TTLL10: variants seen among roughly 807,000 people sequenced by gnomAD.
TTLL10 encodes tubulin tyrosine ligase like 10.
In TTLL10, 61 loss-of-function variants were observed where a neutral mutation model predicts 69.0. The ratio of observed to expected loss-of-function variants is 0.88; its 90% confidence interval spans 0.72 to 1.09. The LOEUF (loss-of-function observed/expected upper bound fraction) is 1.09, where lower values mean the gene tolerates loss of function less well. Ranked by LOEUF, TTLL10 falls within the 50% of genes least tolerant of loss-of-function variation. The pLI is 0.00. For synonymous variants in TTLL10, 408 were observed against 393.3 expected (o/e 1.04, Z -0.44); for missense variants, 962 against 945.9 (o/e 1.02, Z -0.22).
rs546705033 is a variant in TTLL10 at position 1,189,410 on chromosome 1, G to A, written c.1401+4301G>A. Among the ~76,000 whole-genome samples the A allele has an allele frequency of 4.6e-5, 7 of 152,202 alleles. No homozygotes were observed. In the South Asian group the frequency reaches 6.2e-4, roughly 14 times the overall value. On this transcript the variant is annotated intron_variant, in intron 13 of 15. Transcript: ENST00000379289. The stretch of plus-strand genomic sequence containing the variant: ...CTTCATTCTATTAATGTGTTGTATC[G>A]CACTGATTAACTTTCATATGACAAA...
intron 3 of TTLL10, chr1:1,175,753 G>A: frequency 2.2e-6 from 1 of 450,730 alleles, no homozygotes; most frequent in Non-Finnish European, 4.5e-6. Flanking sequence ...GGTGGAGAGA[G>A]GCTGCTGTTG....
rs549235697 is a variant in TTLL10 at position 1,185,316 on chromosome 1, C to A, written c.1401+207C>A. The A allele has an allele frequency of 7.2e-7, 1 of 1,393,794 alleles. No individual in the cohort carries two copies. 86.3% of individuals were successfully genotyped at this position (1,393,794 alleles called of 1,614,324 possible). Reference sequence around the variant, plus strand: ...CCCCAGCAGCCAGCAAAGGCCCGGACGGAAAGCCCAGTCGGGGGTCTGTCG... The same window carrying A: ...CCCCAGCAGCCAGCAAAGGCCCGGAAGGAAAGCCCAGTCGGGGGTCTGTCG... On this transcript the variant is annotated intron_variant, in intron 13 of 15. Transcript: ENST00000379289. The surrounding 1 kb of genome is among the most constrained non-coding windows in gnomAD (Gnocchi z 6.1).
At chr1:1,187,368 GC>G (rs1219408725) in intron 13 of TTLL10, among the ~76,000 whole-genome samples, 9 of 151,976 alleles carry the variant, frequency 5.9e-5, no homozygotes, top group African/African-American at 1.9e-4. Flanking sequence ...GGTGACTCAC[GC>G]CTGTAATCCC....
chr1:1,197,650 GCCC>G lies in TTLL10; in HGVS notation c.1826_1828del (p.Ala609_Arg610delinsGly). 6.7e-7 allele frequency: 1 copy of G among 1,499,020 alleles called. No homozygotes were observed. Among genetic ancestry groups the G allele is most frequent in the Non-Finnish European group, 8.8e-7 (1 of 1,131,748 alleles). The allele number at this position is 1,499,020 out of a possible 1,614,324, so 92.9% of individuals were successfully genotyped here. ...GCCGCATGCCCCAGACCAGCCGGGC[GCCC>G]GCAGGCCTGCGCCACCTCCCTTGGT... On this transcript the variant is annotated inframe_deletion, in exon 16 of 16. Transcript: ENST00000379289.
chr1:1,190,107 G>A (rs1176354928), intron 13 of TTLL10, among the ~76,000 whole-genome samples: 21 of 140,612 alleles, frequency 1.5e-4, no homozygotes, highest in African/African-American at 2.9e-4. Context: ...GCGAGACCCC[G>A]TCTCAAAAAA....
At chr1:1,178,920 G>A (rs868240874) in intron 3 of TTLL10, among the ~76,000 whole-genome samples, 2 of 152,184 alleles carry the variant, frequency 1.3e-5, no homozygotes, top group South Asian at 2.1e-4. Context: ...CACCCAGGCC[G>A]AGCTCAGCCA....
chr1:1,175,959 T>C (rs935719083), intron 3 of TTLL10: 2 of 433,070 alleles, frequency 4.6e-6, no homozygotes, highest in Non-Finnish European at 9.1e-6. Context: ...GCTGTGCAGG[T>C]GGAAAGAGGC....
In TTLL10 at chr1:1,181,663, C is replaced by T; in HGVS notation, c.756-78C>T. The T allele has an allele frequency of 7.3e-7, 1 of 1,368,080 alleles. No homozygotes were observed. Among genetic ancestry groups the T allele is most frequent in the South Asian group, 1.3e-5 (1 of 76,146 alleles). 84.7% of individuals were successfully genotyped at this position (1,368,080 alleles called of 1,614,324 possible). A position where few individuals can be genotyped will look rare whatever the true frequency, so the allele number is the denominator to read the frequency against. On this transcript the variant is annotated intron_variant, in intron 8 of 15. Transcript: ENST00000379289. The surrounding 1 kb of genome is among the most constrained non-coding windows in gnomAD (Gnocchi z 4.6). ...CAGTCCGCCCACTCACCACCCATGCCCCATCCCCCAGTCCCCACCCGCTCC... is the reference window on the plus strand; with the variant it reads ...CAGTCCGCCCACTCACCACCCATGCTCCATCCCCCAGTCCCCACCCGCTCC...
intron 13 of TTLL10, among the ~76,000 whole-genome samples, chr1:1,191,516 G>T (rs367819041): frequency 3.3e-5 from 5 of 152,148 alleles, no homozygotes; most frequent in East Asian, 3.8e-4. Flanking sequence ...CCAGCATATG[G>T]TCTATCCTGG....
intron 3 of TTLL10, 25 bp from the exon 4 acceptor site, chr1:1,179,164 G>A (rs1646961048): frequency 6.9e-7 from 1 of 1,438,972 alleles, no homozygotes; most frequent in Non-Finnish European, 9.3e-7. Context: ...CCCACAGGAG[G>A]GTCAGAGCGG....
Position 1,180,105 on chromosome 1 carries a change from C to G in TTLL10, c.271C>G (p.His91Asp). The G allele has an allele frequency of 1.2e-6, 2 of 1,611,034 alleles. No homozygotes were observed. Among genetic ancestry groups the G allele is most frequent in the East Asian group, 2.2e-5 (1 of 44,826 alleles). Residue 91 changes from histidine (H) to aspartate (D), a missense_variant, in exon 6 of 16, where the codon CAC (histidine) becomes GAC (aspartate). Transcript: ENST00000379289. ...CCGGTGTCAGCCAAGCCAGCCAGAC[C>G]ACGACGCAGATGGACACTGTGGGCC... ...GLRCQPSQPD[H>D]DADGHCGPDL...
chr1:1,197,852 A>G lies in TTLL10; in HGVS notation c.*5A>G. ...CCTGAGAACGCGAGGCCCTAGGGGCAGCCACCCGCGCCCAGCGCCCCGCGC... is the reference window on the plus strand; with the variant it reads ...CCTGAGAACGCGAGGCCCTAGGGGCGGCCACCCGCGCCCAGCGCCCCGCGC... On this transcript the variant is annotated 3_prime_UTR_variant, in exon 16 of 16. Coordinates refer to ENST00000379289, the MANE Select transcript of TTLL10 (RefSeq NM_001130045.2). 1 of 1,458,938 alleles carries G rather than the reference A, an allele frequency of 6.9e-7. No individual in the cohort carries two copies. The allele number at this position is 1,458,938 out of a possible 1,614,324, so 90.4% of individuals were successfully genotyped here. A position where few individuals can be genotyped will look rare whatever the true frequency, so the allele number is the denominator to read the frequency against.
At chr1:1,176,026 G>A (rs1434789645) in intron 3 of TTLL10, 1 of 446,582 alleles carries the variant, frequency 2.2e-6, no homozygotes, top group Admixed American at 2.4e-5. Flanking sequence ...GTGGAGAGAG[G>A]CTGACGCTGT....
chr1:1,177,823 C>A (rs1175507682), intron 3 of TTLL10, among the ~76,000 whole-genome samples: 2 of 152,230 alleles, frequency 1.3e-5, no homozygotes, highest in Non-Finnish European at 2.9e-5. Context: ...CAGGGTCCAG[C>A]CTCTTCCAAA....
chr1:1,193,049 G>A (rs61766177), intron 13 of TTLL10, among the ~76,000 whole-genome samples: 20,537 of 152,208 alleles, frequency 0.13, 2,541 homozygotes, highest in East Asian at 0.59. Flanking sequence ...ATAAAGGGCC[G>A]GGCACGGTGG....
intron 13 of TTLL10, among the ~76,000 whole-genome samples, chr1:1,193,218 G>A (rs776200527): frequency 6.6e-5 from 10 of 152,034 alleles, no homozygotes; most frequent in Admixed American, 3.9e-4. Context: ...CCAGCTGCTC[G>A]GGAGGCTGAG....
rs34815653 is a variant in TTLL10 at position 1,176,671 on chromosome 1, G to A, written c.-28+2182G>A. Among the ~76,000 whole-genome samples, 793 of 152,194 alleles carry A rather than the reference G, an allele frequency of 5.2e-3. 3 individuals carry two copies. The highest frequency in any genetic ancestry group is 0.012 in the Admixed American group (180 of 15,284). ...TGGCCTCGGTGGGCACCCAGGGCTG[G>A]CCAGGACCACACCTCCTTCCTCCGG... On this transcript the variant is annotated intron_variant, in intron 3 of 15. Transcript: ENST00000379289.
chr1:1,180,458 T>TGCCCCCC, intron 6 of TTLL10, 25 bp from the exon 7 acceptor site: 2 of 942,128 alleles, frequency 2.1e-6, no homozygotes, highest in Non-Finnish European at 3.1e-6. Flanking sequence ...GGCCCCCAGG[T>TGCCCCCC]CACCCCCGCC....
In TTLL10 at chr1:1,173,938, C is replaced by G. The variant is rs941753065; in HGVS notation, c.-131+12C>G. On this transcript the variant is annotated intron_variant, in intron 1 of 15. Transcript: ENST00000379289. The surrounding 1 kb of genome is among the most constrained non-coding windows in gnomAD (Gnocchi z 4.1). ...TGTGGGCTGGGCAGGTAAGAAGCGCCGGCGGCCACCAGCTGGGGTCCAGTG... is the reference window on the plus strand; with the variant it reads ...TGTGGGCTGGGCAGGTAAGAAGCGCGGGCGGCCACCAGCTGGGGTCCAGTG... 6.6e-6 allele frequency: 1 copy of G among 152,268 alleles called. No individual in the cohort carries two copies. Among genetic ancestry groups the G allele is most frequent in the Non-Finnish European group, 1.5e-5 (1 of 68,092 alleles). The allele number at this position is 152,268 out of a possible 1,614,324, so 9.4% of individuals were successfully genotyped here.
Sources: allele counts gnomAD v4.1 joint callset (sites outside exome capture counted in the v4.1 genomes callset), GRCh38; gene constraint gnomAD v4.1.1; non-coding constraint Gnocchi (gnomAD v3.1); transcripts MANE v1.5; gene names NCBI Gene and HGNC (gene_info 2026-07-23, HGNC 2026-07-21).